The following ARID4A variants were observed in gnomAD, a reference collection of about 807,000 sequenced individuals.
ARID4A encodes the protein AT-rich interaction domain 4A.
In ARID4A, 39 loss-of-function variants were observed where a neutral mutation model predicts 148.6. The ratio of observed to expected loss-of-function variants is 0.26; its 90% confidence interval spans 0.20 to 0.34. ARID4A has a LOEUF of 0.34. ARID4A is among the 10% of genes least tolerant of loss of function. The probability of loss-of-function intolerance (pLI) is 1.00; values close to 1 mark genes in which losing one functional copy is unlikely to be tolerated. For synonymous variants in ARID4A, 475 were observed against 481.2 expected (o/e 0.99, Z 0.17); for missense variants, 1,265 against 1,449.1 (o/e 0.87, Z 2.06).
rs183203246 is a variant in ARID4A at position 58,351,106 on chromosome 14, A to G, written c.1438A>G (p.Ile480Val). 2.8e-5 allele frequency: 45 copies of G among 1,599,964 alleles called. No homozygotes were observed. Among genetic ancestry groups the G allele is most frequent in the Non-Finnish European group, 3.7e-5 (43 of 1,176,754 alleles). Residue 480 changes from isoleucine (I) to valine (V), a missense_variant, in exon 16 of 24, where the codon ATT (isoleucine) becomes GTT (valine). Coordinates refer to ENST00000355431, the MANE Select transcript of ARID4A (RefSeq NM_002892.4). The part of the protein sequence containing the change: ...RRRIARDVNS[I>V]KKEIEEEKTE... ...GAGAATTGCTCGAGATGTAAATTCT[A>G]TTAAAAAGGAAATTGAAGAAGAGAA...
chr14:58,371,653 T>C lies in ARID4A; in HGVS notation c.3671-233T>C, dbSNP rs372786867. ...TAAGAGTTTTTGTCTCTTTAATCTT[T>C]ACATTTTATGATGTATTTTTAAGTG... On this transcript the variant is annotated intron_variant, in intron 23 of 23. Coordinates refer to ENST00000355431, the MANE Select transcript of ARID4A (RefSeq NM_002892.4). 3.9e-5 allele frequency among the ~76,000 whole-genome samples: 6 copies of C among 152,360 alleles called. 1 individual carries two copies. Among genetic ancestry groups the C allele is most frequent in the African/African-American group, 2.4e-5 (1 of 41,582 alleles).
At chr14:58,356,644 T>C (rs2034878486) in intron 17 of ARID4A, among the ~76,000 whole-genome samples, 2 of 152,034 alleles carry the variant, frequency 1.3e-5, no homozygotes, top group Non-Finnish European at 2.9e-5. Context: ...TTTTTTTAAA[T>C]TTAAAATGGT....
chr14:58,324,624 C>T (rs965520695), intron 8 of ARID4A, among the ~76,000 whole-genome samples: 4 of 152,158 alleles, frequency 2.6e-5, no homozygotes, highest in Non-Finnish European at 4.4e-5. Context: ...TAGTCCCATT[C>T]TCAGAAATAG....
intron 16 of ARID4A, among the ~76,000 whole-genome samples, chr14:58,351,996 C>T (rs969640467): frequency 6.6e-6 from 1 of 152,160 alleles, no homozygotes. Context: ...AAGTTATTAG[C>T]TGCTTCTGTA....
chr14:58,318,819 T>C lies in ARID4A; in HGVS notation c.449+14T>C, dbSNP rs757291088. ...TTCTCTTCCTGTGTGAGTTTTTTCA[T>C]ATATGGTATCATTTTAATTACAATT... is the stretch of plus-strand genomic sequence containing the variant. On this transcript the variant is annotated intron_variant, in intron 7 of 23. Transcript: ENST00000355431. The C allele has an allele frequency of 2.5e-6, 4 of 1,585,176 alleles. No homozygotes were observed. Among genetic ancestry groups the C allele is most frequent in the Non-Finnish European group, 3.5e-6 (4 of 1,154,936 alleles).
intron 3 of ARID4A, among the ~76,000 whole-genome samples, chr14:58,302,094 A>G (rs186839591): frequency 8.5e-5 from 13 of 152,282 alleles, no homozygotes; most frequent in Admixed American, 3.3e-4. Context: ...GTAGTGTCTC[A>G]TGCCTGTAAT....
intron 9 of ARID4A, 30 bp downstream of exon 9, chr14:58,328,346 G>C: frequency 7.1e-7 from 1 of 1,415,708 alleles, no homozygotes; most frequent in South Asian, 1.2e-5. Context: ...ATGATGTTAC[G>C]TGGGAGGAAA....
chr14:58,335,163 A>G (rs1158281488), intron 11 of ARID4A, among the ~76,000 whole-genome samples: 1 of 152,164 alleles, frequency 6.6e-6, no homozygotes, highest in African/African-American at 2.4e-5. Flanking sequence ...GACATACCTA[A>G]CTTCTTAGAA....
chr14:58,318,916 T>C (rs1040231804), intron 7 of ARID4A, 111 bp downstream of exon 7: 2 of 803,322 alleles, frequency 2.5e-6, no homozygotes, highest in Admixed American at 2.6e-5. Context: ...TAGCATATTG[T>C]ATCCTTATGT....
At chr14:58,366,290 T>C (rs1594970274) in intron 22 of ARID4A, 60 bp downstream of exon 22, 2 of 1,269,726 alleles carry the variant, frequency 1.6e-6, no homozygotes, top group East Asian at 4.7e-5. Flanking sequence ...GATCTTAAAA[T>C]ATCAACTTGG....
intron 15 of ARID4A, among the ~76,000 whole-genome samples, chr14:58,350,068 C>T (rs945605648): frequency 3.4e-5 from 5 of 145,436 alleles, no homozygotes; most frequent in Non-Finnish European, 7.5e-5. Flanking sequence ...CACCACTGCT[C>T]TCCAGCCTGG....
chr14:58,303,680 C>G, intron 3 of ARID4A: 1 of 320,026 alleles, frequency 3.1e-6, no homozygotes, highest in Admixed American at 3.2e-5. Flanking sequence ...CCCTCCAGAC[C>G]AGCAGCATCA....
chr14:58,335,166 T>C (rs1025687052), intron 11 of ARID4A, among the ~76,000 whole-genome samples: 12 of 152,158 alleles, frequency 7.9e-5, no homozygotes, highest in African/African-American at 2.9e-4. Context: ...ATACCTAACT[T>C]CTTAGAATGC....
At chr14:58,326,215 A>G (rs1206411716) in intron 8 of ARID4A, among the ~76,000 whole-genome samples, 1 of 152,214 alleles carries the variant, frequency 6.6e-6, no homozygotes, top group African/African-American at 2.4e-5. Flanking sequence ...AGGTGGGCAG[A>G]TCACGAGGTC....
At chr14:58,322,697 C>T (rs186178778) in intron 7 of ARID4A, among the ~76,000 whole-genome samples, 141 of 152,164 alleles carry the variant, frequency 9.3e-4, no homozygotes, top group African/African-American at 3.2e-3. Flanking sequence ...CACGTTGCCT[C>T]ACACCTGTAA....
chr14:58,368,180 TAATG>T (rs1398929191), intron 23 of ARID4A, among the ~76,000 whole-genome samples: 1 of 152,158 alleles, frequency 6.6e-6, no homozygotes, highest in Non-Finnish European at 1.5e-5. Context: ...TAAACCAAAA[TAATG>T]GATGGAGTGA....
intron 11 of ARID4A, among the ~76,000 whole-genome samples, chr14:58,333,781 A>C (rs2140200868): frequency 6.6e-6 from 1 of 152,296 alleles, no homozygotes; most frequent in Non-Finnish European, 1.5e-5. Flanking sequence ...TGGTCATTCA[A>C]GATTACTTTA....
intron 17 of ARID4A, among the ~76,000 whole-genome samples, chr14:58,354,199 C>G (rs1478831186): frequency 6.6e-6 from 1 of 152,176 alleles, no homozygotes; most frequent in African/African-American, 2.4e-5. Context: ...AACAATAATT[C>G]ATAATTCTGT....
At chr14:58,307,628 T>C (rs1349900169) in intron 5 of ARID4A, among the ~76,000 whole-genome samples, 1 of 152,222 alleles carries the variant, frequency 6.6e-6, no homozygotes, top group East Asian at 1.9e-4. Context: ...AAGACCAGCC[T>C]GGCCAACATG....
Sources: allele counts gnomAD v4.1 joint callset (sites outside exome capture counted in the v4.1 genomes callset), GRCh38; gene constraint gnomAD v4.1.1; transcripts MANE v1.5; gene names NCBI Gene and HGNC (gene_info 2026-07-23, HGNC 2026-07-21).